RPSA2: variants seen among roughly 807,000 people sequenced by gnomAD.
The protein encoded by RPSA2 is ribosomal protein SA 2.
chr19:23,863,172 T>G, the RPSA2 span, among the ~76,000 whole-genome samples: 2 of 152,176 alleles, frequency 1.3e-5, no homozygotes, highest in African/African-American at 4.8e-5. Flanking sequence ...TTTATCTGAT[T>G]TAATGCAAAT....
chr19:23,829,547 C>T, the RPSA2 span, among the ~76,000 whole-genome samples: 172 of 152,244 alleles, frequency 1.1e-3, 1 homozygote, highest in African/African-American at 3.9e-3. Flanking sequence ...GTGATCCACC[C>T]GCCTCGGCCT....
the RPSA2 span, among the ~76,000 whole-genome samples, chr19:23,836,481 A>G: frequency 1.3e-5 from 2 of 152,134 alleles, no homozygotes; most frequent in East Asian, 3.9e-4. Flanking sequence ...AGAAATATGC[A>G]TGTGCAAGTA....
At chr19:23,858,284 A>T in the RPSA2 span, among the ~76,000 whole-genome samples, 51 of 148,710 alleles carry the variant, frequency 3.4e-4, no homozygotes, top group Non-Finnish European at 5.4e-4. Context: ...GGTGATGAGA[A>T]ATTACTTAAT....
the RPSA2 span, among the ~76,000 whole-genome samples, chr19:23,765,226 T>C: frequency 4.6e-5 from 7 of 152,178 alleles, no homozygotes; most frequent in African/African-American, 1.7e-4. Flanking sequence ...ATGGAAGACA[T>C]GGTGGGAACT....
At chr19:23,807,927 C>CTGGT in the RPSA2 span, 1 of 344,812 alleles carries the variant, frequency 2.9e-6, no homozygotes, top group Non-Finnish European at 5.8e-6. Context: ...TTATGAAAAC[C>CTGGT]TGGCCTTCCT....
the RPSA2 span, chr19:23,758,985 T>C: frequency 1.7e-6 from 1 of 587,766 alleles, no homozygotes; most frequent in Non-Finnish European, 3.0e-6. Context: ...TGGATAATGA[T>C]TAAAACCCCA....
chr19:23,795,124 G>A, the RPSA2 span, among the ~76,000 whole-genome samples: 2 of 149,164 alleles, frequency 1.3e-5, no homozygotes, highest in Non-Finnish European at 3.0e-5. Flanking sequence ...CTTCAGCTTT[G>A]TTGTTTTTGC....
At chr19:23,779,201 T>C in the RPSA2 span, among the ~76,000 whole-genome samples, 4 of 151,656 alleles carry the variant, frequency 2.6e-5, no homozygotes, top group Non-Finnish European at 5.9e-5. Context: ...GGGGTTTCAC[T>C]GTGTTAGCCA....
At chr19:23,848,743 G>A in the RPSA2 span, among the ~76,000 whole-genome samples, 2 of 152,208 alleles carry the variant, frequency 1.3e-5, no homozygotes. Context: ...CCAAATAACA[G>A]ACTGTCTTAA....
chr19:23,863,222 T>C, the RPSA2 span, among the ~76,000 whole-genome samples: 1 of 152,208 alleles, frequency 6.6e-6, no homozygotes, highest in African/African-American at 2.4e-5. Flanking sequence ...CACCAAAGTT[T>C]GTCTGCAATT....
chr19:23,807,270 T>C, the RPSA2 span, among the ~76,000 whole-genome samples: 1 of 152,204 alleles, frequency 6.6e-6, no homozygotes, highest in Non-Finnish European at 1.5e-5. Context: ...CACAGGCTCT[T>C]CCACTTACTG....
At chr19:23,812,063 A>G in the RPSA2 span, among the ~76,000 whole-genome samples, 1 of 152,168 alleles carries the variant, frequency 6.6e-6, no homozygotes, top group Admixed American at 6.5e-5. Context: ...ATCTAGACAA[A>G]TTATTTGTTA....
At chr19:23,763,532 A>G in the RPSA2 span, among the ~76,000 whole-genome samples, 2 of 152,180 alleles carry the variant, frequency 1.3e-5, no homozygotes, top group Non-Finnish European at 2.9e-5. Context: ...GCTGAAGTGC[A>G]GTGCGTGTTC....
chr19:23,823,395 C>CA, the RPSA2 span, among the ~76,000 whole-genome samples: 1 of 152,130 alleles, frequency 6.6e-6, no homozygotes, highest in African/African-American at 2.4e-5. Context: ...GGGGCACCTC[C>CA]ATAAGCCGTA....
the RPSA2 span, among the ~76,000 whole-genome samples, chr19:23,813,925 G>T: frequency 6.6e-6 from 1 of 151,828 alleles, no homozygotes; most frequent in Non-Finnish European, 1.5e-5. Flanking sequence ...GTTTCACCAT[G>T]TTAGTCAATC....
chr19:23,808,727 G>C, the RPSA2 span: 2 of 743,112 alleles, frequency 2.7e-6, no homozygotes, highest in Admixed American at 2.1e-5. Context: ...AGGTATTACT[G>C]TCTCTAAGCC....
chr19:23,856,586 C>T, the RPSA2 span, among the ~76,000 whole-genome samples: 1 of 152,210 alleles, frequency 6.6e-6, no homozygotes, highest in East Asian at 1.9e-4. Context: ...CGGGTTCCCA[C>T]ATGCACTTAG....
the RPSA2 span, among the ~76,000 whole-genome samples, chr19:23,850,078 T>C: frequency 1.3e-5 from 2 of 151,918 alleles, no homozygotes; most frequent in Non-Finnish European, 2.9e-5. Context: ...TTATAACCCC[T>C]AGTAACATTA....
chr19:23,800,615 C>CT, the RPSA2 span, among the ~76,000 whole-genome samples: 2 of 150,428 alleles, frequency 1.3e-5, no homozygotes, highest in African/African-American at 4.9e-5. Context: ...TTTCTACAAA[C>CT]TTTTTTTTTT....
Sources: gnomAD v4.1 joint callset for allele counts (sites outside exome capture counted in the v4.1 genomes callset) on GRCh38, gnomAD v4.1.1 for gene constraint, MANE v1.5 for transcripts, NCBI Gene and HGNC (gene_info 2026-07-23, HGNC 2026-07-21) for gene names.